The following SLC4A3 variants were observed in gnomAD, a reference collection of about 807,000 sequenced individuals.
The protein encoded by SLC4A3 is solute carrier family 4 member 3.
SLC4A3 carries 47 observed loss-of-function variants against 114.2 expected under a neutral mutation model. The ratio of observed to expected loss-of-function variants is 0.41; its 90% CI spans 0.33 to 0.52. The LOEUF is 0.52. SLC4A3 is among the 20% of genes least tolerant of loss of function. SLC4A3 has a pLI of 0.21. For synonymous variants in SLC4A3, 693 were observed against 710.3 expected (o/e 0.98, Z 0.39); for missense variants, 1,312 against 1,668.3 (o/e 0.79, Z 3.72).
rs1194658240 is a variant in SLC4A3 at position 219,631,701 on chromosome 2, G to T, written c.812-267G>T. On this transcript the variant is annotated intron_variant, in intron 6 of 22. Coordinates refer to ENST00000358055, the MANE Select transcript of SLC4A3 (RefSeq NM_005070.4). This position sits in a 1 kb window ranked among gnomAD's most constrained non-coding sequence, Gnocchi z 6.3. The stretch of plus-strand genomic sequence containing the variant: ...GGCCATGGCAGGGGCTGGAGGGTCT[G>T]GCTGGGGCTGTGGACTGAGCTGGGT... 6.6e-6 allele frequency among the ~76,000 whole-genome samples: 1 copy of T among 152,154 alleles called. No homozygotes were observed. The highest frequency in any genetic ancestry group is 1.5e-5 in the Non-Finnish European group (1 of 68,016).
At position 219,631,039 on chromosome 2, in the gene SLC4A3, G is replaced by C; in HGVS notation, c.811+687G>C. ...CAGCAGTAGCAGCAGGATGGGGGGTGGGGGAGGGCGTGTTTACAGACCCAG... is the reference window on the plus strand; with the variant it reads ...CAGCAGTAGCAGCAGGATGGGGGGTCGGGGAGGGCGTGTTTACAGACCCAG... On this transcript the variant is annotated intron_variant, in intron 6 of 22. Transcript: ENST00000358055. This position sits in a 1 kb window ranked among gnomAD's most constrained non-coding sequence, Gnocchi z 6.3. The C allele has an allele frequency of 1.2e-6, 1 of 863,400 alleles. No individual in the cohort carries two copies. Among genetic ancestry groups the C allele is most frequent in the Non-Finnish European group, 1.5e-6 (1 of 689,548 alleles). 53.5% of individuals were successfully genotyped at this position (863,400 alleles called of 1,614,324 possible).
At position 219,637,717 on chromosome 2, in the gene SLC4A3, A is replaced by G. The variant is rs1169828316; in HGVS notation, c.2672A>G (p.Asn891Ser). The G allele has an allele frequency of 6.2e-6, 10 of 1,613,688 alleles. No individual in the cohort carries two copies. In the Admixed American group the frequency reaches 1.0e-4, roughly 16 times the overall value. Residue 891 changes from asparagine (N) to serine (S), a missense_variant, in exon 17 of 23, where the codon AAT becomes AGT. Asn to Ser is a conservative substitution (Grantham distance 46). This residue lies in a region of SLC4A3 where 301 missense variants were observed against 460.7 expected (regional missense o/e 0.65). Coordinates refer to ENST00000358055, the MANE Select transcript of SLC4A3 (RefSeq NM_005070.4). The surrounding 1 kb of genome is among the most constrained non-coding windows in gnomAD (Gnocchi z 4.6). The stretch of plus-strand genomic sequence containing the variant: ...CCCCCCAGCCCGAGGAACCAGCCCA[A>G]TACGGCACTGCTCTCACTCATCCTC... Reference protein sequence around the residue: ...EGPPSPRNQPNTALLSLILML... With the variant: ...EGPPSPRNQPSTALLSLILML...
chr2:219,641,811 G>A lies in SLC4A3; in HGVS notation c.*83G>A, dbSNP rs1559208336. ...TCAGGCAGAGCCCAGCCCTGGGCTGGGGGGCTCCTCAGGACCCAGAGATGT... is the reference window on the plus strand; with the variant it reads ...TCAGGCAGAGCCCAGCCCTGGGCTGAGGGGCTCCTCAGGACCCAGAGATGT... On this transcript the variant is annotated 3_prime_UTR_variant, in exon 23 of 23. Transcript: ENST00000358055. The surrounding 1 kb of genome is among the most constrained non-coding windows in gnomAD (Gnocchi z 4.0). 1.1e-5 allele frequency: 13 copies of A among 1,183,278 alleles called. No homozygotes were observed. Among genetic ancestry groups the A allele is most frequent in the Non-Finnish European group, 1.5e-5 (12 of 797,414 alleles). 73.3% of individuals were successfully genotyped at this position (1,183,278 alleles called of 1,614,324 possible).
In SLC4A3 at chr2:219,639,852, A is replaced by AC; in HGVS notation, c.3277+122dup. On this transcript the variant is annotated intron_variant, in intron 20 of 22. Coordinates refer to ENST00000358055, the MANE Select transcript of SLC4A3 (RefSeq NM_005070.4). The surrounding 1 kb of genome is among the most constrained non-coding windows in gnomAD (Gnocchi z 5.9). ...TGTGCTGTGTGTTGCCCTCAATCTG[A>AC]CCCCCAAACCTGCTTCCCAGCACTC... 7.5e-7 allele frequency: 1 copy of AC among 1,339,826 alleles called. No homozygotes were observed. Among genetic ancestry groups the AC allele is most frequent in the Middle Eastern group, 2.6e-4 (1 of 3,808 alleles). 83.0% of individuals were successfully genotyped at this position (1,339,826 alleles called of 1,614,324 possible).
Position 219,629,646 on chromosome 2 carries a change from C to G in SLC4A3, c.562C>G (p.Leu188Val). ...TGGGAGGGCTGCTGTCACCAAGCCC[C>G]TGCCCTCGGTGGGCCCACACACTGA... ...LPGRAAVTKP[L>V]PSVGPHTDKS... The change falls in exon 5 of 23, where the codon CTG becomes GTG. Residue 188 changes from leucine (L) to valine (V), a missense_variant. Transcript: ENST00000358055. 6.2e-7 allele frequency: 1 copy of G among 1,613,448 alleles called. No homozygotes were observed. The highest frequency in any genetic ancestry group is 8.5e-7 in the Non-Finnish European group (1 of 1,179,848).
Position 219,631,217 on chromosome 2 carries a change from C to CTGGTA in SLC4A3, c.812-751_812-750insTGGTA. ...GAGGGGTCTGGTAGGGAGCGGAGGCCGAGGTCTCGGCCACCGGGAGAATGA... is the reference window on the plus strand; with the variant it reads ...GAGGGGTCTGGTAGGGAGCGGAGGCCTGGTAGAGGTCTCGGCCACCGGGAGAATGA... On this transcript the variant is annotated intron_variant, in intron 6 of 22. Coordinates refer to ENST00000358055, the MANE Select transcript of SLC4A3 (RefSeq NM_005070.4). This position sits in a 1 kb window ranked among gnomAD's most constrained non-coding sequence, Gnocchi z 6.3. 2 of 1,234,084 alleles carry CTGGTA rather than the reference C, an allele frequency of 1.6e-6. No homozygotes were observed. The highest frequency in any genetic ancestry group is 1.1e-6 in the Non-Finnish European group (1 of 950,994). The allele number at this position is 1,234,084 out of a possible 1,614,324, so 76.4% of individuals were successfully genotyped here.
Sources: gnomAD v4.1 joint callset for allele counts (sites outside exome capture counted in the v4.1 genomes callset) on GRCh38, gnomAD v4.1.1 for gene constraint, gnomAD v4.1.1 regional missense constraint, Gnocchi (gnomAD v3.1) non-coding constraint, MANE v1.5 for transcripts, NCBI Gene and HGNC (gene_info 2026-07-23, HGNC 2026-07-21) for gene names.